DMD: variants seen among roughly 807,000 people sequenced by gnomAD.
The protein encoded by DMD is dystrophin.
In DMD, 63 loss-of-function variants were observed where a neutral mutation model predicts 330.1. That is an observed-to-expected ratio of 0.19 (90% CI 0.16 to 0.24). DMD has a LOEUF of 0.24. DMD is among the 10% of genes least tolerant of loss of function. The probability of loss-of-function intolerance (pLI) is 1.00; values close to 1 mark genes in which losing one functional copy is unlikely to be tolerated. For synonymous variants in DMD, 1,223 were observed against 959.8 expected (o/e 1.27, Z -5.07); for missense variants, 3,344 against 2,684.1 (o/e 1.25, Z -5.43).
intron 44 of DMD, among the ~76,000 whole-genome samples, chrX:32,202,598 C>T (rs1452259499): frequency 2.7e-5 from 3 of 112,027 alleles, no homozygotes; most frequent in Non-Finnish European, 5.6e-5. Context: ...GATCTGCCTG[C>T]CTCGGCCTCC....
intron 72 of DMD, 33 bp downstream of exon 72, chrX:31,173,506 C>G (rs770690533): frequency 1.7e-6 from 2 of 1,180,659 alleles, no homozygotes; most frequent in Non-Finnish European, 2.3e-6. Context: ...TTATTTCAAT[C>G]AATATTTGCC....
At chrX:31,520,776 T>A (rs1603303070) in intron 55 of DMD, among the ~76,000 whole-genome samples, 1 of 110,088 alleles carries the variant, frequency 9.1e-6, no homozygotes, top group East Asian at 2.9e-4. Context: ...ACCTCCCGGG[T>A]TCACGCCATT....
chrX:32,580,890 G>A (rs1435132433), intron 13 of DMD, among the ~76,000 whole-genome samples: 2 of 110,593 alleles, frequency 1.8e-5, no homozygotes, highest in Non-Finnish European at 3.8e-5. Context: ...GCAGTGGCGC[G>A]ATCTCGGCTC....
At chrX:32,450,589 C>A (rs918958531) in intron 26 of DMD, among the ~76,000 whole-genome samples, 1 of 110,296 alleles carries the variant, frequency 9.1e-6, no homozygotes, top group Non-Finnish European at 1.9e-5. Flanking sequence ...TTTACCCAAA[C>A]CTTCTCGGAT....
At chrX:32,699,333 T>C (rs760814503) in intron 7 of DMD, 40 bp from the exon 8 acceptor site, 11 of 1,039,816 alleles carry the variant, frequency 1.1e-5, no homozygotes, top group Non-Finnish European at 1.5e-5. Context: ...TTTTGGTTTC[T>C]ATATTTGAGA....
chrX:32,003,934 G>A (rs766932723), intron 44 of DMD, among the ~76,000 whole-genome samples: 9 of 111,172 alleles, frequency 8.1e-5, no homozygotes, highest in Non-Finnish European at 1.5e-4. Context: ...AGAAAAATAA[G>A]GTCAAAATTT....
At chrX:31,802,613 C>T (rs1479356502) in intron 50 of DMD, among the ~76,000 whole-genome samples, 1 of 111,127 alleles carries the variant, frequency 9.0e-6, no homozygotes, top group Non-Finnish European at 1.9e-5. Flanking sequence ...TAAGAATGAC[C>T]CCCAAGATTT....
chrX:32,858,979 G>A (rs1217774513), intron 2 of DMD, among the ~76,000 whole-genome samples: 2 of 111,284 alleles, frequency 1.8e-5, no homozygotes, highest in Non-Finnish European at 3.8e-5. Context: ...CCTTTCTGAG[G>A]CACAATTTAT....
chrX:32,586,896 A>G (rs1569255781), intron 13 of DMD, among the ~76,000 whole-genome samples: 1 of 111,501 alleles, frequency 9.0e-6, no homozygotes. Flanking sequence ...TAATAATTAT[A>G]ATTATTGCTT....
At chrX:32,317,447 A>G (rs1308847885) in intron 41 of DMD, among the ~76,000 whole-genome samples, 1 of 111,809 alleles carries the variant, frequency 8.9e-6, no homozygotes, top group Middle Eastern at 4.3e-3. Context: ...AGTTTTGAAT[A>G]CATTTTCATT....
chrX:32,746,009 G>A (rs190925621), intron 7 of DMD, among the ~76,000 whole-genome samples: 23 of 111,770 alleles, frequency 2.1e-4, no homozygotes, highest in African/African-American at 7.5e-4. Context: ...ACATCTTTGT[G>A]GAAGTAACTA....
chrX:31,364,268 T>C (rs1225177010), intron 60 of DMD, among the ~76,000 whole-genome samples: 2 of 112,239 alleles, frequency 1.8e-5, no homozygotes, highest in African/African-American at 6.5e-5. Context: ...AATCAATCAA[T>C]TCCACGATTC....
intron 60 of DMD, among the ~76,000 whole-genome samples, chrX:31,413,304 G>A (rs150565211): frequency 0.021 from 2,402 of 112,371 alleles, 60 homozygotes; most frequent in African/African-American, 0.073. Flanking sequence ...GCGCCACAAA[G>A]TCAGATGTTC....
rs2033902716 is a variant in DMD at position 31,127,654 on chromosome X, C to A, written c.11015-981G>T. Among the ~76,000 whole-genome samples the A allele has an allele frequency of 2.7e-5, 3 of 111,048 alleles. No homozygotes were observed. The South Asian group carries it at 1.2e-3, about 44-fold the overall frequency. ...AGATCCTGTACAGCATCTCCCTTTC[C>A]CCTCCACCCATCATTCTCAGTGGCT... On this transcript the variant is annotated intron_variant, in intron 77 of 78. Transcript: ENST00000357033.
At chrX:32,522,853 A>T (rs1193086122) in intron 17 of DMD, among the ~76,000 whole-genome samples, 1 of 112,228 alleles carries the variant, frequency 8.9e-6, no homozygotes, top group African/African-American at 3.2e-5. Context: ...CTTTGGTGAA[A>T]TTTATTTGTC....
At chrX:31,138,624 G>GGAGAGGGAGAGAGAGAGAGA (rs2035559525) in intron 76 of DMD, among the ~76,000 whole-genome samples, 2 of 58,766 alleles carry the variant, frequency 3.4e-5, no homozygotes, top group African/African-American at 1.5e-4. Flanking sequence ...CATGGCAGCA[G>GGAGAGGGAGAGAGAGAGAGA]GAGAGAGAGA....
At chrX:32,739,825 G>A (rs899448061) in intron 7 of DMD, among the ~76,000 whole-genome samples, 5 of 110,510 alleles carry the variant, frequency 4.5e-5, no homozygotes, top group African/African-American at 9.9e-5. Context: ...AAGTGCAACC[G>A]CTCTGGCTGT....
intron 1 of DMD, among the ~76,000 whole-genome samples, chrX:33,181,257 T>C (rs918517800): frequency 9.0e-6 from 1 of 111,609 alleles, no homozygotes; most frequent in African/African-American, 3.3e-5. Context: ...TCCAATCAAT[T>C]GATTTTCATG....
intron 44 of DMD, among the ~76,000 whole-genome samples, chrX:32,133,001 T>TC (rs1569545928): frequency 0.014 from 1,110 of 76,897 alleles, 9 homozygotes; most frequent in South Asian, 0.045. Context: ...TTCTTTTTTT[T>TC]TTTTTTTTTT....
Sources: allele counts gnomAD v4.1 joint callset (sites outside exome capture counted in the v4.1 genomes callset), GRCh38; gene constraint gnomAD v4.1.1; transcripts MANE v1.5; gene names NCBI Gene and HGNC (gene_info 2026-07-23, HGNC 2026-07-21).